Variants in SOX5 observed in about 807,000 individuals in gnomAD.
SOX5 encodes transcription factor SOX-5.
Under a neutral mutation model 92.0 loss-of-function variants are expected in SOX5, and 9 were observed. That is an observed-to-expected ratio of 0.10 (90% CI 0.06 to 0.17). The LOEUF (loss-of-function observed/expected upper bound fraction) is 0.17, where lower values mean the gene tolerates loss of function less well. Among genes scored for constraint, SOX5 ranks in the 10% least tolerant of loss-of-function variants. SOX5 has a pLI of 1.00. For missense variants in SOX5, 642 were observed against 944.5 expected (o/e 0.68, Z 4.20); for synonymous variants, 344 against 336.3 (o/e 1.02, Z -0.25).
chr12:24,065,370 C>T (rs945218628), intron 4 of SOX5, among the ~76,000 whole-genome samples: 9 of 151,976 alleles, frequency 5.9e-5, no homozygotes, highest in Admixed American at 5.2e-4. Flanking sequence ...TCACTAGGGC[C>T]GGGTGTGGTG....
chr12:24,023,958 C>T (rs559435851), intron 4 of SOX5, among the ~76,000 whole-genome samples: 6 of 151,950 alleles, frequency 3.9e-5, no homozygotes, highest in African/African-American at 7.2e-5. Flanking sequence ...ATTATCTTTA[C>T]GTGTCCTGTT....
At chr12:23,591,548 A>T (rs1347379982) in intron 9 of SOX5, among the ~76,000 whole-genome samples, 1 of 152,150 alleles carries the variant, frequency 6.6e-6, no homozygotes, top group Non-Finnish European at 1.5e-5. Flanking sequence ...CAAAACAAAC[A>T]CAAATTACCT....
intron 4 of SOX5, among the ~76,000 whole-genome samples, chr12:24,085,497 A>C (rs536871981): frequency 6.6e-6 from 1 of 152,092 alleles, no homozygotes; most frequent in Admixed American, 6.6e-5. Context: ...TCAACAAATT[A>C]TTGGAAGTAT....
chr12:24,034,595 A>C (rs1285943416), intron 4 of SOX5, among the ~76,000 whole-genome samples: 4 of 148,756 alleles, frequency 2.7e-5, no homozygotes, highest in Non-Finnish European at 5.9e-5. Flanking sequence ...TTTAAGGTGT[A>C]AGCAAATACT....
At chr12:23,980,320 T>C (rs1949453777) in intron 4 of SOX5, among the ~76,000 whole-genome samples, 1 of 152,178 alleles carries the variant, frequency 6.6e-6, no homozygotes, top group South Asian at 2.1e-4. Flanking sequence ...TTCCTAACTT[T>C]GAAGACATTG....
chr12:23,774,099 C>T (rs558049636), intron 3 of SOX5, among the ~76,000 whole-genome samples: 22 of 152,216 alleles, frequency 1.4e-4, no homozygotes, highest in African/African-American at 4.6e-4. Context: ...GAGACAAAAA[C>T]GGTGTCTACA....
rs2135791174 is a variant in SOX5, at chr12:23,530,713, G to C, written c.*3506C>G. On this transcript the variant is annotated 3_prime_UTR_variant, in exon 15 of 15. Coordinates refer to ENST00000451604, the MANE Select transcript of SOX5 (RefSeq NM_006940.6). ...CGGTAATGTTCTCTTAGATTCATAT[G>C]AAAACAGGACTATTTTTAGAGAAAC... 6.6e-6 allele frequency: 1 copy of C among 151,752 alleles called. No individual in the cohort carries two copies. The highest frequency in any genetic ancestry group is 1.9e-4 in the East Asian group (1 of 5,132). 9.4% of individuals were successfully genotyped at this position (151,752 alleles called of 1,614,324 possible). A position where few individuals can be genotyped will look rare whatever the true frequency, so the allele number is the denominator to read the frequency against.
intron 2 of SOX5, among the ~76,000 whole-genome samples, chr12:23,846,826 C>T (rs1013879056): frequency 2.0e-5 from 3 of 152,144 alleles, no homozygotes; most frequent in Non-Finnish European, 4.4e-5. Context: ...AAGACATTTT[C>T]AACTTCATTT....
At chr12:24,460,534 C>A (rs939787866) in intron 1 of SOX5, 1 of 152,008 alleles carries the variant, frequency 6.6e-6, no homozygotes, top group Non-Finnish European at 1.5e-5. Context: ...AAAGACAGAC[C>A]CAGTTAAGTG....
chr12:23,794,079 AT>A (rs2095521470), intron 3 of SOX5, among the ~76,000 whole-genome samples: 1 of 152,148 alleles, frequency 6.6e-6, no homozygotes, highest in Non-Finnish European at 1.5e-5. Context: ...ATTAACAAGA[AT>A]TTCATTGAAA....
chr12:23,614,057 G>T (rs11047005), intron 8 of SOX5, among the ~76,000 whole-genome samples: 5 of 152,054 alleles, frequency 3.3e-5, no homozygotes, highest in Non-Finnish European at 7.4e-5. Context: ...AAGAGACAAG[G>T]AATCGCTTCT....
chr12:24,258,007 T>C (rs1005436436), intron 3 of SOX5, among the ~76,000 whole-genome samples: 1 of 151,988 alleles, frequency 6.6e-6, no homozygotes, highest in Non-Finnish European at 1.5e-5. Flanking sequence ...ACCCCGTCTC[T>C]ACTAAAATAA....
intron 4 of SOX5, among the ~76,000 whole-genome samples, chr12:24,046,341 C>CT (rs1211886578): frequency 7.2e-5 from 11 of 151,856 alleles, no homozygotes; most frequent in Admixed American, 3.9e-4. Context: ...AAAGGAGAGC[C>CT]TTTTTTTTCC....
chr12:24,426,402 A>G (rs1373628889), intron 1 of SOX5, among the ~76,000 whole-genome samples: 2 of 152,214 alleles, frequency 1.3e-5, no homozygotes, highest in African/African-American at 4.8e-5. Context: ...TGGCACATGT[A>G]TGTATACCTA....
intron 1 of SOX5, among the ~76,000 whole-genome samples, chr12:24,539,418 C>T (rs1224943523): frequency 6.6e-6 from 1 of 152,062 alleles, no homozygotes; most frequent in Middle Eastern, 3.2e-3. Flanking sequence ...GTTGAGCTAC[C>T]TTTATTAAAA....
chr12:24,302,952 C>T (rs1948151221), intron 2 of SOX5, among the ~76,000 whole-genome samples: 2 of 151,794 alleles, frequency 1.3e-5, no homozygotes, highest in African/African-American at 4.8e-5. Context: ...CAAAAAAAAA[C>T]CTGATTTTCT....
chr12:24,007,165 T>G (rs1209803907), intron 4 of SOX5, among the ~76,000 whole-genome samples: 16 of 18,492 alleles, frequency 8.7e-4, no homozygotes, highest in East Asian at 4.6e-3. Flanking sequence ...ATATATACAT[T>G]TATATATGTA....
intron 11 of SOX5, among the ~76,000 whole-genome samples, chr12:23,552,644 C>G (rs1208542389): frequency 6.6e-6 from 1 of 151,828 alleles, no homozygotes; most frequent in Non-Finnish European, 1.5e-5. Flanking sequence ...GAACACTGAT[C>G]AAAGATTGTA....
chr12:24,429,809 A>G (rs967041464), intron 1 of SOX5, among the ~76,000 whole-genome samples: 11 of 152,228 alleles, frequency 7.2e-5, no homozygotes, highest in African/African-American at 2.2e-4. Context: ...GGGTAAACAA[A>G]TGAAAAAATT....
Sources: gnomAD v4.1 joint callset for allele counts (sites outside exome capture counted in the v4.1 genomes callset) on GRCh38, gnomAD v4.1.1 for gene constraint, MANE v1.5 for transcripts, NCBI Gene and HGNC (gene_info 2026-07-23, HGNC 2026-07-21) for gene names.